The following MTREX variants were observed in gnomAD, a reference collection of about 807,000 sequenced individuals.
MTREX encodes Mtr4 exosome RNA helicase.
In MTREX, 76 loss-of-function variants were observed where a neutral mutation model predicts 135.4. The ratio of observed to expected loss-of-function variants is 0.56; its 90% CI spans 0.47 to 0.68. The LOEUF (loss-of-function observed/expected upper bound fraction) is 0.68. Among genes scored for constraint, MTREX ranks in the 30% least tolerant of loss-of-function variants. The pLI, the probability that MTREX is intolerant of heterozygous loss-of-function variation, is 0.00. For missense variants in MTREX, 920 were observed against 1,262.1 expected, an observed-to-expected ratio of 0.73 and a Z score of 4.11; for synonymous variants, 404 against 401.6, an observed-to-expected ratio of 1.01 and a Z score of -0.07.
chr5:55,385,880 TA>T (rs1750471300), intron 18 of MTREX, among the ~76,000 whole-genome samples: 1 of 152,188 alleles, frequency 6.6e-6, no homozygotes, highest in Non-Finnish European at 1.5e-5. Context: ...TGCCTAACTA[TA>T]AAGGTAGAAT....
At chr5:55,380,427 G>A (rs1441778244) in intron 18 of MTREX, among the ~76,000 whole-genome samples, 1 of 152,102 alleles carries the variant, frequency 6.6e-6, no homozygotes, top group Non-Finnish European at 1.5e-5. Flanking sequence ...ATATCCCCCA[G>A]AAATAGAGAA....
At chr5:55,405,278 C>T in intron 21 of MTREX, 147 bp from the exon 22 acceptor site, 1 of 563,854 alleles carries the variant, frequency 1.8e-6, no homozygotes. Context: ...CTCCAGTTTC[C>T]CCAGTCTCCC....
intron 1 of MTREX, among the ~76,000 whole-genome samples, chr5:55,309,057 C>A (rs1041155597): frequency 1.3e-5 from 2 of 152,032 alleles, no homozygotes; most frequent in Non-Finnish European, 2.9e-5. Context: ...TATAAAAGTT[C>A]AAGAAAGGGA....
chr5:55,423,163 A>G (rs1330935287), intron 26 of MTREX, 181 bp downstream of exon 26: 3 of 588,850 alleles, frequency 5.1e-6, no homozygotes, highest in East Asian at 5.7e-5. Context: ...GATTTTATAT[A>G]TACATGCATT....
At chr5:55,388,190 C>G in intron 19 of MTREX, 88 bp downstream of exon 19, 1 of 1,136,924 alleles carries the variant, frequency 8.8e-7, no homozygotes, top group South Asian at 2.2e-5. Context: ...TGGTAATGAA[C>G]ATACTATCAT....
chr5:55,377,239 G>T (rs569030150), intron 16 of MTREX, among the ~76,000 whole-genome samples: 1 of 152,196 alleles, frequency 6.6e-6, no homozygotes, highest in South Asian at 2.1e-4. Context: ...AAGCAGGAGA[G>T]TGGTGTGAAC....
chr5:55,419,919 C>T (rs1306721537), intron 25 of MTREX, among the ~76,000 whole-genome samples: 1 of 152,166 alleles, frequency 6.6e-6, no homozygotes, highest in East Asian at 1.9e-4. Flanking sequence ...CCTTTCTTAG[C>T]ATCATCAGTG....
Position 55,388,369 on chromosome 5 carries a change from A to G in MTREX, c.2181+267A>G, listed in dbSNP as rs559343417. Among the ~76,000 whole-genome samples the G allele has an allele frequency of 2.0e-5, 3 of 152,294 alleles. No homozygotes were observed. In the South Asian group the frequency reaches 6.2e-4, roughly 32 times the overall value. On this transcript the variant is annotated intron_variant, in intron 19 of 26. Coordinates refer to ENST00000230640, the MANE Select transcript of MTREX (RefSeq NM_015360.5). ...AAGTATTCAGTCATTGAAATTTTAC[A>G]TGAAGCTGGATTTTGCCAGGGCCAT...
chr5:55,406,128 A>G (rs189198603), intron 22 of MTREX, among the ~76,000 whole-genome samples: 2 of 152,318 alleles, frequency 1.3e-5, no homozygotes, highest in Non-Finnish European at 1.5e-5. Flanking sequence ...AAAACTGGTT[A>G]TATTATTTTC....
At chr5:55,358,449 T>C in intron 14 of MTREX, 124 bp from the exon 15 acceptor site, 2 of 825,684 alleles carry the variant, frequency 2.4e-6, no homozygotes, top group Non-Finnish European at 3.6e-6. Context: ...TCATGTTGTT[T>C]TTAATCATGT....
intron 5 of MTREX, among the ~76,000 whole-genome samples, chr5:55,332,015 G>A (rs575372207): frequency 5.3e-5 from 8 of 152,098 alleles, no homozygotes; most frequent in East Asian, 3.8e-4. Context: ...AATAGTGCAC[G>A]TATTTTGGTA....
rs556554025 is a variant in MTREX, at chr5:55,406,972, A to C, written c.2645+1384A>C. 2.8e-4 allele frequency among the ~76,000 whole-genome samples: 43 copies of C among 152,316 alleles called. 2 individuals carry two copies. In the South Asian group the frequency reaches 8.5e-3, roughly 30 times the overall value. On this transcript the variant is annotated intron_variant, in intron 22 of 26. Coordinates refer to ENST00000230640, the MANE Select transcript of MTREX (RefSeq NM_015360.5). ...TTGCCTCTGTCCTCCTTAACTGGAA[A>C]GTCATAAACTGGTAGCTCAAGCAAT...
chr5:55,368,228 T>A (rs1750135925), intron 16 of MTREX, among the ~76,000 whole-genome samples: 1 of 152,088 alleles, frequency 6.6e-6, no homozygotes, highest in African/African-American at 2.4e-5. Context: ...GGGGGGCAGA[T>A]ACTTGAGGTC....
chr5:55,371,812 A>C (rs1209214587), intron 16 of MTREX, among the ~76,000 whole-genome samples: 2 of 152,112 alleles, frequency 1.3e-5, no homozygotes, highest in African/African-American at 2.4e-5. Context: ...ATGGAGAAAA[A>C]AGACTGTACC....
intron 13 of MTREX, among the ~76,000 whole-genome samples, chr5:55,352,314 T>C (rs1355027429): frequency 2.0e-5 from 3 of 152,196 alleles, no homozygotes; most frequent in African/African-American, 7.2e-5. Context: ...ACTTAGATAA[T>C]GAATTTTATA....
At chr5:55,404,555 T>C (rs1380063065) in intron 21 of MTREX, among the ~76,000 whole-genome samples, 5 of 152,202 alleles carry the variant, frequency 3.3e-5, no homozygotes, top group Admixed American at 6.5e-5. Context: ...TTTCTTTCCC[T>C]GTTCTCTAAG....
chr5:55,371,161 G>C (rs756069176), intron 16 of MTREX, among the ~76,000 whole-genome samples: 1 of 152,146 alleles, frequency 6.6e-6, no homozygotes, highest in African/African-American at 2.4e-5. Context: ...GGCTACCTGA[G>C]CCTCAGTTTG....
chr5:55,333,877 G>A (rs1749512888), intron 5 of MTREX, among the ~76,000 whole-genome samples: 1 of 152,022 alleles, frequency 6.6e-6, no homozygotes, highest in South Asian at 2.1e-4. Context: ...TTGATAACAG[G>A]TACCTAAACA....
chr5:55,419,864 C>T (rs1298484529), intron 25 of MTREX, among the ~76,000 whole-genome samples: 1 of 152,196 alleles, frequency 6.6e-6, no homozygotes, highest in Non-Finnish European at 1.5e-5. Context: ...TCAACTCTCC[C>T]CACCACACAC....
Sources: gnomAD v4.1 joint callset for allele counts (sites outside exome capture counted in the v4.1 genomes callset) on GRCh38, gnomAD v4.1.1 for gene constraint, MANE v1.5 for transcripts, NCBI Gene and HGNC (gene_info 2026-07-23, HGNC 2026-07-21) for gene names.